EYS: variants seen among roughly 807,000 people sequenced by gnomAD.
EYS encodes the protein protein eyes shut homolog.
In EYS, 250 loss-of-function variants were observed where a neutral mutation model predicts 282.1. That is an observed-to-expected ratio of 0.89 (90% CI 0.80 to 0.98). The LOEUF is 0.98. Ranked by LOEUF, EYS falls within the 50% of genes least tolerant of loss-of-function variation. The pLI is 0.00. For synonymous variants in EYS, 1,355 were observed against 1,282.9 expected (o/e 1.06, Z -1.20); for missense variants, 4,016 against 3,709.0 (o/e 1.08, Z -2.15).
chr6:64,934,720 G>A (rs147264895), intron 15 of EYS, among the ~76,000 whole-genome samples: 1 of 151,854 alleles, frequency 6.6e-6, no homozygotes, highest in Non-Finnish European at 1.5e-5. Flanking sequence ...AACAAGAACA[G>A]GAAGATTTCA....
chr6:64,196,137 G>GA (rs1047258828), intron 31 of EYS, among the ~76,000 whole-genome samples: 18 of 152,094 alleles, frequency 1.2e-4, no homozygotes, highest in Non-Finnish European at 1.8e-4. Context: ...AAAGACACAT[G>GA]AAAAAATGCT....
intron 19 of EYS, among the ~76,000 whole-genome samples, chr6:64,825,561 G>A (rs777799681): frequency 8.6e-5 from 13 of 151,688 alleles, no homozygotes; most frequent in East Asian, 1.9e-4. Context: ...TCCCAACCAC[G>A]AACAAAACAG....
chr6:64,160,637 T>C (rs923437305), intron 31 of EYS, among the ~76,000 whole-genome samples: 19 of 152,224 alleles, frequency 1.2e-4, no homozygotes, highest in Admixed American at 1.1e-3. Flanking sequence ...CTAAACTTAA[T>C]TTTTATCTTT....
chr6:65,552,827 G>A (rs3908650), intron 2 of EYS, among the ~76,000 whole-genome samples: 83,443 of 151,758 alleles, frequency 0.55, 22,977 homozygotes, highest in East Asian at 0.71. Flanking sequence ...AAATAAAAGG[G>A]GTAACCAAAA....
At chr6:64,280,954 T>G (rs1161551332) in intron 30 of EYS, among the ~76,000 whole-genome samples, 1 of 152,160 alleles carries the variant, frequency 6.6e-6, no homozygotes, top group Non-Finnish European at 1.5e-5. Context: ...AATGAATGTT[T>G]CCTTTGTTGG....
At chr6:64,786,313 G>C (rs1774019283) in intron 22 of EYS, among the ~76,000 whole-genome samples, 1 of 151,880 alleles carries the variant, frequency 6.6e-6, no homozygotes, top group Non-Finnish European at 1.5e-5. Flanking sequence ...AAAGCCGAGA[G>C]ACAGAACCCC....
At chr6:63,843,341 C>T (rs532509461) in intron 36 of EYS, among the ~76,000 whole-genome samples, 81 of 152,102 alleles carry the variant, frequency 5.3e-4, no homozygotes, top group African/African-American at 1.9e-3. Flanking sequence ...AAGTTCTATT[C>T]CTAGGTATTT....
At chr6:65,199,021 CT>C (rs1161473816) in intron 12 of EYS, among the ~76,000 whole-genome samples, 1 of 152,024 alleles carries the variant, frequency 6.6e-6, no homozygotes, top group Admixed American at 6.6e-5. Flanking sequence ...AGCATTATTT[CT>C]CCTTGGGGTA....
chr6:65,676,743 AAAACACTAG>A (rs1383013222), intron 1 of EYS, among the ~76,000 whole-genome samples: 1 of 151,818 alleles, frequency 6.6e-6, no homozygotes, highest in Non-Finnish European at 1.5e-5. Context: ...AGCTAGATTA[AAAACACTAG>A]AAAAAAATTG....
At chr6:64,272,318 G>T (rs537268285) in intron 30 of EYS, among the ~76,000 whole-genome samples, 1 of 152,254 alleles carries the variant, frequency 6.6e-6, no homozygotes, top group African/African-American at 2.4e-5. Flanking sequence ...CTGTCATTAT[G>T]ATGCTAGCTG....
chr6:65,552,588 C>A (rs1768634204), intron 2 of EYS, among the ~76,000 whole-genome samples: 1 of 152,000 alleles, frequency 6.6e-6, no homozygotes, highest in Non-Finnish European at 1.5e-5. Context: ...TGACACTATA[C>A]ACATAGCTGA....
At chr6:64,366,659 G>C (rs536233804) in intron 29 of EYS, among the ~76,000 whole-genome samples, 2 of 151,984 alleles carry the variant, frequency 1.3e-5, no homozygotes, top group Non-Finnish European at 2.9e-5. Context: ...GTTAGCAAAG[G>C]TTGCAAGAAC....
chr6:63,828,199 CA>C (rs1219945178), intron 36 of EYS, among the ~76,000 whole-genome samples: 2 of 151,980 alleles, frequency 1.3e-5, no homozygotes, highest in African/African-American at 4.8e-5. Flanking sequence ...AAACCGAACC[CA>C]AAACCAGCAG....
chr6:63,917,117 A>T (rs566226897), intron 35 of EYS, among the ~76,000 whole-genome samples: 2 of 152,372 alleles, frequency 1.3e-5, no homozygotes, highest in Admixed American at 6.5e-5. Flanking sequence ...TTCTGATACA[A>T]GCAGTGTCAT....
At chr6:63,897,224 C>G (rs1365935603) in intron 35 of EYS, among the ~76,000 whole-genome samples, 14 of 152,134 alleles carry the variant, frequency 9.2e-5, no homozygotes, top group Non-Finnish European at 2.9e-5. Flanking sequence ...CTGAATTTAT[C>G]CAAAACATGT....
At chr6:64,662,669 C>G (rs929156813) in intron 22 of EYS, among the ~76,000 whole-genome samples, 1 of 152,098 alleles carries the variant, frequency 6.6e-6, no homozygotes, top group Non-Finnish European at 1.5e-5. Flanking sequence ...AGCCTTGCTT[C>G]GCTCATAGAT....
intron 9 of EYS, among the ~76,000 whole-genome samples, chr6:65,349,945 A>T (rs1339524605): frequency 6.6e-6 from 1 of 151,496 alleles, no homozygotes; most frequent in Non-Finnish European, 1.5e-5. Context: ...GCATTTTAAC[A>T]TTTTAATTCT....
intron 18 of EYS, among the ~76,000 whole-genome samples, chr6:64,897,933 T>G (rs1767526714): frequency 1.3e-5 from 2 of 151,858 alleles, no homozygotes; most frequent in Admixed American, 6.6e-5. Context: ...ACAAACAAAG[T>G]CTCCAAGAAA....
chr6:65,517,296 T>C (rs1372510547), intron 2 of EYS, among the ~76,000 whole-genome samples: 3 of 151,348 alleles, frequency 2.0e-5, no homozygotes, highest in Admixed American at 1.3e-4. Flanking sequence ...AAAATAATTG[T>C]CTGTAACAAA....
Sources: allele counts gnomAD v4.1 joint callset (sites outside exome capture counted in the v4.1 genomes callset), GRCh38; gene constraint gnomAD v4.1.1; transcripts MANE v1.5; gene names NCBI Gene and HGNC (gene_info 2026-07-23, HGNC 2026-07-21).